PSMD3: variants seen among roughly 807,000 people sequenced by gnomAD.
PSMD3 encodes the protein proteasome 26S subunit, non-ATPase 3.
PSMD3 carries 5 observed loss-of-function variants against 62.8 expected under a neutral mutation model. The observed-to-expected ratio is 0.08, with a 90% CI of 0.04 to 0.17. The LOEUF is 0.17. Among genes scored for constraint, PSMD3 ranks in the 10% least tolerant of loss-of-function variants. The probability of loss-of-function intolerance (pLI) is 1.00; values close to 1 mark genes in which losing one functional copy is unlikely to be tolerated. For synonymous variants in PSMD3, 265 were observed against 283.9 expected (o/e 0.93, Z 0.67); for missense variants, 524 against 713.6 (o/e 0.73, Z 3.03).
At chr17:39,983,102 G>A (rs1021385328) in intron 1 of PSMD3, among the ~76,000 whole-genome samples, 2 of 150,928 alleles carry the variant, frequency 1.3e-5, no homozygotes, top group Non-Finnish European at 3.0e-5. Flanking sequence ...GCGCGATCTC[G>A]GCTCACTGCA....
At chr17:39,994,893 CA>C in intron 6 of PSMD3, 60 bp from the exon 7 acceptor site, 4 of 1,452,626 alleles carry the variant, frequency 2.8e-6, no homozygotes, top group Non-Finnish European at 3.9e-6. Flanking sequence ...GGCCACATTT[CA>C]TTTTCTTCTT....
intron 6 of PSMD3, chr17:39,993,838 G>A (rs1197049757): frequency 6.6e-6 from 1 of 152,140 alleles, no homozygotes; most frequent in East Asian, 1.9e-4. Context: ...TTGTTATTTG[G>A]TAGTTTTAGA....
intron 2 of PSMD3, among the ~76,000 whole-genome samples, chr17:39,984,821 C>T (rs1980482878): frequency 6.6e-6 from 1 of 152,126 alleles, no homozygotes; most frequent in Admixed American, 6.6e-5. Context: ...TCTGAAGCTT[C>T]ACCATGGAGG....
intron 3 of PSMD3, among the ~76,000 whole-genome samples, chr17:39,988,427 G>C (rs1358316268): frequency 6.6e-6 from 1 of 152,074 alleles, no homozygotes; most frequent in African/African-American, 2.4e-5. Context: ...CCTTTTTAAG[G>C]CTGAGTAATA....
chr17:39,990,257 C>A, intron 6 of PSMD3, 60 bp downstream of exon 6: 2 of 1,355,654 alleles, frequency 1.5e-6, no homozygotes, highest in South Asian at 2.6e-5. Flanking sequence ...TAAATGGTGT[C>A]TTGCTATGTT....
intron 11 of PSMD3, 37 bp from the exon 12 acceptor site, chr17:39,997,467 G>T: frequency 6.9e-7 from 1 of 1,447,758 alleles, no homozygotes. Flanking sequence ...GGGCTGAGCT[G>T]CTCTGAAGCT....
intron 4 of PSMD3, 33 bp downstream of exon 4, chr17:39,988,852 G>A (rs575815078): frequency 9.3e-6 from 15 of 1,608,554 alleles, no homozygotes; most frequent in African/African-American, 4.0e-5. Flanking sequence ...CTTGGGGTCC[G>A]TGGGGTCAGA....
chr17:39,997,252 G>T, intron 10 of PSMD3, 78 bp from the exon 11 acceptor site: 1 of 1,401,516 alleles, frequency 7.1e-7, no homozygotes, highest in Non-Finnish European at 1.0e-6. Flanking sequence ...TCACAGAGGG[G>T]ACGCAGGGAG....
chr17:39,995,061 G>A lies in PSMD3; in HGVS notation c.1089G>A (p.Leu363=). Residue 363 remains leucine (L), a synonymous_variant, in exon 7 of 12, where the codon CTG becomes CTA. Coordinates refer to ENST00000264639, the MANE Select transcript of PSMD3 (RefSeq NM_002809.4). This position sits in a 1 kb window ranked among gnomAD's most constrained non-coding sequence, Gnocchi z 4.1. ...GCTCACTCATGCCCTATTTCCTTCT[G>A]ACTCAAGGTAAGGCTGGCTTCCCCA... is the stretch of plus-strand genomic sequence containing the variant. The part of the protein sequence containing the change: ...LKRSLMPYFL[L]TQAVRTGNLA... 6.2e-7 allele frequency: 1 copy of A among 1,614,030 alleles called. No individual in the cohort carries two copies. The highest frequency in any genetic ancestry group is 8.5e-7 in the Non-Finnish European group (1 of 1,180,024).
intron 6 of PSMD3, among the ~76,000 whole-genome samples, chr17:39,992,034 C>T (rs145878743): frequency 8.4e-6 from 1 of 118,408 alleles, no homozygotes; most frequent in Non-Finnish European, 1.9e-5. Flanking sequence ...CAAAAAAAAA[C>T]AAACATTAAA....
Position 39,984,452 on chromosome 17 carries a change from A to G in PSMD3, c.379A>G (p.Thr127Ala). The change falls in exon 2 of 12, where the codon ACT becomes GCT. Residue 127 changes from threonine (T) to alanine (A), a missense_variant. Physicochemically the swap from Thr to Ala is moderately conservative, Grantham distance 58 (BLOSUM62 0). Transcript: ENST00000264639. Reference protein sequence around the residue: ...VQGFFTSNNATRDFLLPFLEE... With the variant: ...VQGFFTSNNAARDFLLPFLEE... ...GGGCTTCTTCACTTCAAATAATGCC[A>G]CTCGAGACTTTTTGCTCCCCTTCCT... The G allele has an allele frequency of 6.2e-7, 1 of 1,612,358 alleles. No homozygotes were observed.
intron 3 of PSMD3, among the ~76,000 whole-genome samples, chr17:39,987,417 G>T (rs964709085): frequency 1.3e-5 from 2 of 152,166 alleles, no homozygotes; most frequent in Admixed American, 1.3e-4. Context: ...GCAGTGGTGT[G>T]ATCACAGTTC....
In PSMD3 at chr17:39,994,999, C is replaced by A; in HGVS notation, c.1027C>A (p.Pro343Thr). The change falls in exon 7 of 12, where the codon CCT becomes ACT. Residue 343 changes from proline to threonine, a missense_variant. By Grantham distance (38) the Pro-to-Thr change is conservative. Around this residue, in one of 4 missense-constraint regions of PSMD3, gnomAD observed 396 missense variants for 475.8 expected, o/e 0.83. Transcript: ENST00000264639. ...IVVELLLGEI[P>T]DRLQFRQPSL... ...GGTGGAGCTGTTGCTGGGGGAGATC[C>A]CTGACCGGCTGCAGTTCCGCCAGCC... 1 of 1,614,126 alleles carries A rather than the reference C, an allele frequency of 6.2e-7. No homozygotes were observed. The highest frequency in any genetic ancestry group is 8.5e-7 in the Non-Finnish European group (1 of 1,180,022).
chr17:39,990,933 G>A (rs925998241), intron 6 of PSMD3, among the ~76,000 whole-genome samples: 1 of 152,170 alleles, frequency 6.6e-6, no homozygotes, highest in Non-Finnish European at 1.5e-5. Flanking sequence ...ATTAGGCACT[G>A]TAAGGGATAG....
chr17:39,997,703 G>A lies in PSMD3; in HGVS notation c.*122G>A. Reference sequence around the variant, plus strand: ...GCTCATATGCTGCATTCGTGCAGGGGGTGGGGGTGCTGGGAGCCAGCCACC... The same window carrying A: ...GCTCATATGCTGCATTCGTGCAGGGAGTGGGGGTGCTGGGAGCCAGCCACC... On this transcript the variant is annotated 3_prime_UTR_variant, in exon 12 of 12. Transcript: ENST00000264639. 15 of 1,207,070 alleles carry A rather than the reference G, an allele frequency of 1.2e-5. No homozygotes were observed. Among genetic ancestry groups the A allele is most frequent in the Non-Finnish European group, 1.8e-5 (15 of 851,524 alleles). 74.8% of individuals were successfully genotyped at this position (1,207,070 alleles called of 1,614,324 possible). A position where few individuals can be genotyped will look rare whatever the true frequency, so the allele number is the denominator to read the frequency against.
rs1032597304 is a variant in PSMD3, at chr17:39,980,825, A to C, written c.-146A>C. 330 of 707,812 alleles carry C rather than the reference A, an allele frequency of 4.7e-4. No homozygotes were observed. Among genetic ancestry groups the C allele is most frequent in the Admixed American group, 2.1e-4 (6 of 28,416 alleles). 43.8% of individuals were successfully genotyped at this position (707,812 alleles called of 1,614,324 possible). On this transcript the variant is annotated 5_prime_UTR_variant, in exon 1 of 12. Transcript: ENST00000264639. ...GTTTCCCAGAAGGCCCAGCGCCGGG[A>C]AGGGGTTTGCAGCTGCTCCGTCATC...
intron 3 of PSMD3, among the ~76,000 whole-genome samples, chr17:39,987,922 A>G (rs1980563414): frequency 6.6e-6 from 1 of 152,212 alleles, no homozygotes; most frequent in African/African-American, 2.4e-5. Context: ...CCTGGCCAAC[A>G]TGGTGAAACC....
chr17:39,982,122 A>G (rs951717768), intron 1 of PSMD3, among the ~76,000 whole-genome samples: 1 of 152,208 alleles, frequency 6.6e-6, no homozygotes, highest in African/African-American at 2.4e-5. Flanking sequence ...TGAGATAAGC[A>G]AAGTTATCCT....
At position 39,981,014 on chromosome 17, in the gene PSMD3, C is replaced by G. The variant is rs772878941; in HGVS notation, c.44C>G (p.Ala15Gly). The G allele has an allele frequency of 7.1e-6, 11 of 1,548,906 alleles. No individual in the cohort carries two copies. Among genetic ancestry groups the G allele is most frequent in the Non-Finnish European group, 9.6e-6 (11 of 1,146,790 alleles). Residue 15 changes from alanine to glycine, a missense_variant, in exon 1 of 12, where the codon GCG becomes GGG. Transcript: ENST00000264639. ...GCGCGGCGCCGCGGCGCGGACAAGG[C>G]GAAACCGCCGCCCGGCGGAGGAGAA... ...GSARRRGADK[A>G]KPPPGGGEQE...
Sources: gnomAD v4.1 joint callset for allele counts (sites outside exome capture counted in the v4.1 genomes callset) on GRCh38, gnomAD v4.1.1 for gene constraint, gnomAD v4.1.1 regional missense constraint, Gnocchi (gnomAD v3.1) non-coding constraint, MANE v1.5 for transcripts, NCBI Gene and HGNC (gene_info 2026-07-23, HGNC 2026-07-21) for gene names.